TRPM5: variants seen among roughly 807,000 people sequenced by gnomAD.
TRPM5 encodes the protein transient receptor potential cation channel subfamily M member 5.
A neutral mutation model predicts 124.9 loss-of-function variants in TRPM5; 121 were observed. The observed-to-expected ratio is 0.97, with a 90% CI of 0.84 to 1.13. The LOEUF is 1.13. TRPM5 is among the 50% of genes most tolerant of loss of function. The pLI is 0.00. For missense variants in TRPM5, 1,643 were observed against 1,589.1 expected, an observed-to-expected ratio of 1.03 and a Z score of -0.58; for synonymous variants, 781 against 700.5, an observed-to-expected ratio of 1.11 and a Z score of -1.81.
At chr11:2,427,007 GAC>G (rs1845845557), upstream of TRPM5, among the ~76,000 whole-genome samples, 1 of 152,140 alleles carries the variant, frequency 6.6e-6, no homozygotes, top group African/African-American at 2.4e-5. Flanking sequence ...CTGCTGGCCA[GAC>G]ACTGCCCCTG....
intron 18 of TRPM5, among the ~76,000 whole-genome samples, chr11:2,410,235 C>T (rs373130737): frequency 3.7e-4 from 56 of 152,288 alleles, no homozygotes; most frequent in East Asian, 2.7e-3. Context: ...CTGGGAGAGG[C>T]GGTTTCCATC....
chr11:2,405,582 G>A (rs1850300474), exon 23 of TRPM5: 4 of 1,563,690 alleles, frequency 2.6e-6, no homozygotes, highest in East Asian at 4.7e-5. Flanking sequence ...CGAGCACCGA[G>A]CAGTAGTTGA....
chr11:2,438,230 T>C, the TRPM5 span, among the ~76,000 whole-genome samples: 1 of 152,124 alleles, frequency 6.6e-6, no homozygotes, highest in African/African-American at 2.4e-5. The surrounding 1 kb of genome is among the most constrained non-coding windows in gnomAD (Gnocchi z 5.9). Context: ...GTCAACATCA[T>C]ATTGAACGGG....
upstream of TRPM5, among the ~76,000 whole-genome samples, chr11:2,427,377 A>G (rs1589878620): frequency 6.6e-6 from 1 of 152,172 alleles, no homozygotes; most frequent in South Asian, 2.1e-4. Context: ...GCGCGGGTGG[A>G]GCCGTCTGCC....
At chr11:2,406,169 GCCTC>G (rs1850320229) in intron 21 of TRPM5, 78 bp from the exon 27 acceptor site, 4 of 1,523,592 alleles carry the variant, frequency 2.6e-6, no homozygotes, top group Non-Finnish European at 3.6e-6. Flanking sequence ...ATCCCCCCAG[GCCTC>G]CCTGTGTGCC....
the TRPM5 span, among the ~76,000 whole-genome samples, chr11:2,433,459 G>A: frequency 6.6e-6 from 1 of 152,260 alleles, no homozygotes; most frequent in Non-Finnish European, 1.5e-5. Context: ...CCCAGTGGCT[G>A]GGGTAGGGGG....
intron 3 of TRPM5, 99 bp downstream of exon 8, chr11:2,420,933 C>G (rs975919497): frequency 7.6e-7 from 1 of 1,319,978 alleles, no homozygotes; most frequent in Non-Finnish European, 1.0e-6. Flanking sequence ...TCCTCCAGCT[C>G]GAGTCCTGTC....
the TRPM5 span, among the ~76,000 whole-genome samples, chr11:2,443,338 T>G: frequency 3.3e-5 from 5 of 152,172 alleles, no homozygotes; most frequent in Non-Finnish European, 7.4e-5. The surrounding 1 kb of genome is among the most constrained non-coding windows in gnomAD (Gnocchi z 5.0). Flanking sequence ...TCCATGCAGG[T>G]GTATGTATGT....
At chr11:2,425,416 C>A (rs965253924), upstream of TRPM5, among the ~76,000 whole-genome samples, 1 of 152,192 alleles carries the variant, frequency 6.6e-6, no homozygotes, top group Non-Finnish European at 1.5e-5. Context: ...CTGTCTGTGT[C>A]CTCTGCAATC....
the TRPM5 span, among the ~76,000 whole-genome samples, chr11:2,443,207 C>T: frequency 4.6e-4 from 70 of 152,304 alleles, no homozygotes; most frequent in African/African-American, 1.4e-3. This position sits in a 1 kb window ranked among gnomAD's most constrained non-coding sequence, Gnocchi z 5.0. Flanking sequence ...GATTTATTCT[C>T]GTGTGCGGTG....
At chr11:2,419,449 A>G (rs1486135722) in intron 4 of TRPM5, among the ~76,000 whole-genome samples, 1 of 11,664 alleles carries the variant, frequency 8.6e-5, no homozygotes, top group Non-Finnish European at 1.3e-4. Flanking sequence ...CTCTACTGGG[A>G]AAAAAAAAAA....
At chr11:2,405,140 G>T in intron 23 of TRPM5, 97 bp from the exon 29 acceptor site, 2 of 1,028,226 alleles carry the variant, frequency 1.9e-6, no homozygotes, top group Non-Finnish European at 2.9e-6. Context: ...CCAGGACGCC[G>T]TGGCTCTCAG....
At chr11:2,407,832 C>G in exon 19 of TRPM5, 3 of 1,613,952 alleles carry the variant, frequency 1.9e-6, no homozygotes, top group Non-Finnish European at 2.5e-6. Context: ...AGGAGGATGA[C>G]CAGCCAGTTG....
At chr11:2,407,846 T>C (rs778014723) in exon 19 of TRPM5, 1 of 1,613,956 alleles carries the variant, frequency 6.2e-7, no homozygotes, top group East Asian at 2.2e-5. Context: ...CCAGTTGGCA[T>C]AGAGGCTGGG....
the TRPM5 span, among the ~76,000 whole-genome samples, chr11:2,436,716 TGCC>T: frequency 2.0e-5 from 3 of 152,242 alleles, no homozygotes; most frequent in Non-Finnish European, 4.4e-5. Flanking sequence ...CACAAGGTGA[TGCC>T]GACAACTCCA....
chr11:2,410,201 A>C (rs1850416709), intron 18 of TRPM5, among the ~76,000 whole-genome samples: 1 of 152,228 alleles, frequency 6.6e-6, no homozygotes, highest in African/African-American at 2.4e-5. Flanking sequence ...GGGCTGAGAA[A>C]ACAGCCCAAG....
At position 2,418,349 on chromosome 11, in the gene TRPM5, T is replaced by C. The variant is rs775184171; in HGVS notation, c.724A>G (p.Arg242Gly). The change falls in exon 6 of 24, where the codon AGG (arginine) becomes GGG (glycine). Residue 242 changes from arginine (R) to glycine (G), a missense_variant. By Grantham distance (125) the Arg-to-Gly change is moderately radical. Transcript: ENST00000155858. Reference sequence around the variant, plus strand: ...CACGGGGCAGCCTGCTCCACGGCCCTGGAGATCCTCTGAGACGGGGAGGGA... The same window carrying C: ...CACGGGGCAGCCTGCTCCACGGCCCCGGAGATCCTCTGAGACGGGGAGGGA... 47 of 1,552,718 alleles carry C rather than the reference T, an allele frequency of 3.0e-5. No homozygotes were observed. Among genetic ancestry groups the C allele is most frequent in the Non-Finnish European group, 4.0e-5 (46 of 1,146,128 alleles).
At chr11:2,423,045 C>G in exon 1 of TRPM5, 1 of 1,606,456 alleles carries the variant, frequency 6.2e-7, no homozygotes, top group Non-Finnish European at 8.5e-7. Flanking sequence ...ATGGTGGCCT[C>G]TAGAGCTGCA....
At chr11:2,414,660 C>G in intron 11 of TRPM5, 55 bp downstream of exon 16, 1 of 1,481,926 alleles carries the variant, frequency 6.7e-7, no homozygotes, top group Admixed American at 2.3e-5. Context: ...TCGTCCGACC[C>G]CTCCGTCACA....
Sources: allele counts gnomAD v4.1 joint callset (sites outside exome capture counted in the v4.1 genomes callset), GRCh38; gene constraint gnomAD v4.1.1; non-coding constraint Gnocchi (gnomAD v3.1); transcripts MANE v1.5; gene names NCBI Gene and HGNC (gene_info 2026-07-23, HGNC 2026-07-21).